The following POU1F1 variants were observed in gnomAD, a reference collection of about 807,000 sequenced individuals.
POU1F1 encodes the protein pituitary-specific positive transcription factor 1.
Under a neutral mutation model 32.3 loss-of-function variants are expected in POU1F1, and 23 were observed. The ratio of observed to expected loss-of-function variants is 0.71; its 90% CI spans 0.51 to 1.01. The LOEUF is 1.01. Among genes scored for constraint, POU1F1 ranks in the 50% least tolerant of loss-of-function variants. The pLI, the probability that POU1F1 is intolerant of heterozygous loss-of-function variation, is 0.00. For missense variants in POU1F1, 323 were observed against 341.6 expected (o/e 0.95, Z 0.43); for synonymous variants, 120 against 115.6 (o/e 1.04, Z -0.25).
chr3:87,275,577 T>C (rs1706811613), intron 1 of POU1F1, among the ~76,000 whole-genome samples: 1 of 152,088 alleles, frequency 6.6e-6, no homozygotes, highest in African/African-American at 2.4e-5. Flanking sequence ...AAACACTTTG[T>C]TACTGCATAA....
intron 2 of POU1F1, among the ~76,000 whole-genome samples, chr3:87,264,837 A>G (rs915343640): frequency 6.6e-6 from 1 of 152,078 alleles, no homozygotes; most frequent in Non-Finnish European, 1.5e-5. Context: ...CTTAAATGAC[A>G]CCTATTCCTG....
At chr3:87,260,435 T>C (rs527835066) in intron 5 of POU1F1, among the ~76,000 whole-genome samples, 3 of 152,230 alleles carry the variant, frequency 2.0e-5, no homozygotes, top group Admixed American at 2.0e-4. Context: ...TTTCTAAATA[T>C]CTCCCCAAAA....
chr3:87,271,337 G>T (rs1706717504), intron 2 of POU1F1, among the ~76,000 whole-genome samples: 1 of 152,162 alleles, frequency 6.6e-6, no homozygotes, highest in South Asian at 2.1e-4. Flanking sequence ...GCAAACTCCC[G>T]AGGCCAGTGG....
intron 2 of POU1F1, among the ~76,000 whole-genome samples, chr3:87,268,764 G>T (rs2129875): frequency 0.032 from 4,866 of 152,236 alleles, 257 homozygotes; most frequent in African/African-American, 0.11. Flanking sequence ...AGAAGTGTTT[G>T]CACACTGTAG....
At chr3:87,263,133 A>C (rs1318496172) in intron 3 of POU1F1, among the ~76,000 whole-genome samples, 1 of 152,024 alleles carries the variant, frequency 6.6e-6, no homozygotes, top group Non-Finnish European at 1.5e-5. Context: ...ATTTTATGCA[A>C]TTTAACCAAA....
chr3:87,274,595 CT>C (rs1277253757), intron 1 of POU1F1, among the ~76,000 whole-genome samples: 1 of 151,212 alleles, frequency 6.6e-6, no homozygotes, highest in African/African-American at 2.4e-5. Context: ...CTCAAAAGAA[CT>C]AAAGTCATTT....
chr3:87,260,833 A>G (rs1299753435), intron 5 of POU1F1, among the ~76,000 whole-genome samples: 1 of 151,160 alleles, frequency 6.6e-6, no homozygotes, highest in South Asian at 2.1e-4. Flanking sequence ...TTAGCTCTCC[A>G]TTTCTCAAAA....
chr3:87,274,973 T>A (rs903209950), intron 1 of POU1F1, among the ~76,000 whole-genome samples: 3 of 151,976 alleles, frequency 2.0e-5, no homozygotes, highest in African/African-American at 7.2e-5. Context: ...TACTAGATTA[T>A]TACCTCGATT....
intron 4 of POU1F1, 139 bp downstream of exon 4, chr3:87,261,932 A>G (rs1706521427): frequency 9.8e-7 from 1 of 1,025,612 alleles, no homozygotes; most frequent in Non-Finnish European, 1.5e-6. Context: ...GTGATATAAC[A>G]AAATGTTTAT....
chr3:87,274,463 C>G (rs1706791538), intron 1 of POU1F1, among the ~76,000 whole-genome samples: 1 of 151,056 alleles, frequency 6.6e-6, no homozygotes, highest in Non-Finnish European at 1.5e-5. Context: ...TTGAGAATAC[C>G]AATATACAAA....
Position 87,273,432 on chromosome 3 carries a change from C to G in POU1F1, c.143-14G>C. The G allele has an allele frequency of 6.2e-7, 1 of 1,611,754 alleles. No homozygotes were observed. The highest frequency in any genetic ancestry group is 8.5e-7 in the Non-Finnish European group (1 of 1,178,598). Reference sequence around the variant, plus strand: ...GAAGTCCTGTTGCTGTGTTTCCCAACGTTGTCACCGAGAAATGTGTGCACA... The same window carrying G: ...GAAGTCCTGTTGCTGTGTTTCCCAAGGTTGTCACCGAGAAATGTGTGCACA... On this transcript the variant is annotated splice_polypyrimidine_tract_variant and intron_variant, in intron 1 of 5. Coordinates refer to ENST00000350375, the MANE Select transcript of POU1F1 (RefSeq NM_000306.4).
At chr3:87,262,313 T>A (rs1297243841) in intron 3 of POU1F1, 78 bp from the exon 4 acceptor site, 1 of 1,516,370 alleles carries the variant, frequency 6.6e-7, no homozygotes, top group Non-Finnish European at 9.1e-7. Context: ...CACAAATCTG[T>A]GTATCTTTGT....
At chr3:87,276,151 A>G (rs576973870) in intron 1 of POU1F1, among the ~76,000 whole-genome samples, 170 bp downstream of exon 1, 17 of 152,158 alleles carry the variant, frequency 1.1e-4, no homozygotes, top group Non-Finnish European at 1.8e-4. Context: ...TTTAAAATTT[A>G]TTTGGCATGT....
chr3:87,276,503 C>G lies in POU1F1; in HGVS notation c.-41G>C, dbSNP rs1706830905. 2 of 1,605,022 alleles carry G rather than the reference C, an allele frequency of 1.2e-6. No individual in the cohort carries two copies. The highest frequency in any genetic ancestry group is 1.7e-6 in the Non-Finnish European group (2 of 1,174,716). On this transcript the variant is annotated 5_prime_UTR_variant, in exon 1 of 6. Transcript: ENST00000350375. ...GAAAAATAAGGAGAACCGCTGCTCC[C>G]CAAATCAGAGTTTTATTATATTACT...
At position 87,259,520 on chromosome 3, in the gene POU1F1, A is replaced by G. The variant is rs1390689996; in HGVS notation, c.*374T>C. 4 of 214,164 alleles carry G rather than the reference A, an allele frequency of 1.9e-5. No homozygotes were observed. The East Asian group carries it at 5.5e-4, about 29-fold the overall frequency. 13.3% of individuals were successfully genotyped at this position (214,164 alleles called of 1,614,324 possible). A position where few individuals can be genotyped will look rare whatever the true frequency, so the allele number is the denominator to read the frequency against. On this transcript the variant is annotated 3_prime_UTR_variant, in exon 6 of 6. Transcript: ENST00000350375. ...TTGGATATTTCTGGTGATGTGCTTTACATATGTGTCATTACTGACTTACAT... is the reference window on the plus strand; with the variant it reads ...TTGGATATTTCTGGTGATGTGCTTTGCATATGTGTCATTACTGACTTACAT...
intron 1 of POU1F1, 78 bp from the exon 2 acceptor site, chr3:87,273,496 A>G: frequency 6.3e-7 from 1 of 1,594,732 alleles, no homozygotes; most frequent in Non-Finnish European, 8.5e-7. Flanking sequence ...AATAGATGGG[A>G]CTGGTAAGAA....
rs776355574 is a variant in POU1F1 at position 87,259,899 on chromosome 3, T to C, written c.871A>G (p.Arg291Gly). ...FSISKEHLEC[R>G] is the part of the protein sequence containing the mutation. Reference sequence around the variant, plus strand: ...TATTATACAATAGAAAAATCTTATCTGCACTCAAGATGTTCCTTAGAAATA... The same window carrying C: ...TATTATACAATAGAAAAATCTTATCCGCACTCAAGATGTTCCTTAGAAATA... Residue 291 changes from arginine (R) to glycine (G), a missense_variant, in exon 6 of 6, where the codon AGA becomes GGA. Transcript: ENST00000350375. The C allele has an allele frequency of 6.2e-7, 1 of 1,612,924 alleles. No individual in the cohort carries two copies. Among genetic ancestry groups the C allele is most frequent in the Non-Finnish European group, 8.5e-7 (1 of 1,178,904 alleles).
At chr3:87,264,244 T>G in intron 3 of POU1F1, 44 bp downstream of exon 3, 1 of 1,488,678 alleles carries the variant, frequency 6.7e-7, no homozygotes, top group South Asian at 1.1e-5. Context: ...AATAAAGATT[T>G]GCAAACCAAG....
intron 3 of POU1F1, among the ~76,000 whole-genome samples, chr3:87,262,810 C>T (rs1298427418): frequency 2.6e-5 from 4 of 151,992 alleles, no homozygotes; most frequent in Non-Finnish European, 5.9e-5. Context: ...TTTGATAATG[C>T]CTCTGTCTTC....
Sources: allele counts gnomAD v4.1 joint callset (sites outside exome capture counted in the v4.1 genomes callset), GRCh38; gene constraint gnomAD v4.1.1; transcripts MANE v1.5; gene names NCBI Gene and HGNC (gene_info 2026-07-23, HGNC 2026-07-21).